The following NTNG1 variants were observed in gnomAD, a reference collection of about 807,000 sequenced individuals.
NTNG1 encodes netrin G1.
In NTNG1, 16 loss-of-function variants were observed where a neutral mutation model predicts 54.0. That is an observed-to-expected ratio of 0.30 (90% CI 0.20 to 0.45). The LOEUF is 0.45. NTNG1 is among the 20% of genes least tolerant of loss of function. The pLI, the probability that NTNG1 is intolerant of heterozygous loss-of-function variation, is 1.00. For synonymous variants in NTNG1, 255 were observed against 263.1 expected (o/e 0.97, Z 0.30); for missense variants, 530 against 678.7 (o/e 0.78, Z 2.43).
At chr1:107,193,735 G>A (rs534840016) in intron 2 of NTNG1, among the ~76,000 whole-genome samples, 2 of 151,920 alleles carry the variant, frequency 1.3e-5, no homozygotes, top group South Asian at 4.2e-4. Flanking sequence ...ATTTCACCTG[G>A]AATATCTATT....
Position 107,405,181 on chromosome 1 carries a change from G to A in NTNG1, c.1061-2501G>A, listed in dbSNP as rs894903. ...TTATCTGTGGAGAACCACAAACAAG[G>A]TATTTGGACATTAAAATAAGAAGCA... On this transcript the variant is annotated intron_variant, in intron 4 of 7. Coordinates refer to ENST00000370068, the MANE Select transcript of NTNG1 (RefSeq NM_001113226.3). Among the ~76,000 whole-genome samples the A allele has an allele frequency of 9.0e-3, 1,364 of 152,196 alleles. 17 individuals carry two copies. Among genetic ancestry groups the A allele is most frequent in the African/African-American group, 0.027 (1,106 of 41,548 alleles).
At chr1:107,338,282 G>A (rs143782149) in intron 3 of NTNG1, among the ~76,000 whole-genome samples, 8 of 152,018 alleles carry the variant, frequency 5.3e-5, no homozygotes, top group African/African-American at 1.7e-4. Flanking sequence ...CATTTGCAAG[G>A]TTGGGGAAAA....
intron 2 of NTNG1, among the ~76,000 whole-genome samples, chr1:107,208,586 G>A (rs375127634): frequency 1.6e-4 from 24 of 152,118 alleles, no homozygotes; most frequent in South Asian, 6.2e-4. Flanking sequence ...GAACTCTTTC[G>A]TTTTCCATCT....
intron 2 of NTNG1, among the ~76,000 whole-genome samples, chr1:107,233,235 G>A (rs2101540885): frequency 6.6e-6 from 1 of 152,312 alleles, no homozygotes; most frequent in Non-Finnish European, 1.5e-5. Context: ...TAAGCAGTCA[G>A]AGACTTGGTC....
intron 2 of NTNG1, among the ~76,000 whole-genome samples, chr1:107,299,593 C>T (rs764948992): frequency 1.3e-5 from 2 of 152,054 alleles, no homozygotes; most frequent in Non-Finnish European, 2.9e-5. Flanking sequence ...GATTGAAACA[C>T]GAGAAGCTTA....
intron 2 of NTNG1, among the ~76,000 whole-genome samples, chr1:107,263,454 T>C (rs1266729912): frequency 6.6e-6 from 1 of 152,174 alleles, no homozygotes; most frequent in African/African-American, 2.4e-5. Flanking sequence ...AATCAGGAAA[T>C]TGGTCTTTTC....
intron 2 of NTNG1, among the ~76,000 whole-genome samples, chr1:107,238,386 A>T (rs1271753434): frequency 1.3e-5 from 2 of 152,092 alleles, no homozygotes; most frequent in African/African-American, 4.8e-5. Context: ...CTTGGATGAG[A>T]CTTTGGACTG....
chr1:107,270,030 A>G lies in NTNG1; in HGVS notation c.247-54252A>G, dbSNP rs116193133. On this transcript the variant is annotated intron_variant, in intron 2 of 7. Coordinates refer to ENST00000370068, the MANE Select transcript of NTNG1 (RefSeq NM_001113226.3). ...TACTCAAAGTATGCCAATATGAAAA[A>G]TATCATCAACTGCCATTTTATTTCA... 8.5e-3 allele frequency among the ~76,000 whole-genome samples: 1,301 copies of G among 152,352 alleles called. 6 individuals carry two copies. Among genetic ancestry groups the G allele is most frequent in the Non-Finnish European group, 0.014 (964 of 68,030 alleles).
chr1:107,429,955 A>G (rs1675151930), intron 5 of NTNG1, among the ~76,000 whole-genome samples: 1 of 152,126 alleles, frequency 6.6e-6, no homozygotes, highest in Non-Finnish European at 1.5e-5. Context: ...AGCCTCAGAG[A>G]CACCTCTAAC....
chr1:107,239,592 A>G (rs1661678848), intron 2 of NTNG1, among the ~76,000 whole-genome samples: 2 of 152,224 alleles, frequency 1.3e-5, no homozygotes, highest in African/African-American at 2.4e-5. Context: ...AAATAATTCG[A>G]CCAAAATCCA....
chr1:107,350,380 A>T (rs1162227711), intron 3 of NTNG1, among the ~76,000 whole-genome samples: 2 of 152,170 alleles, frequency 1.3e-5, no homozygotes, highest in African/African-American at 4.8e-5. Context: ...ATAATTTGTA[A>T]TTAATCAAAT....
intron 2 of NTNG1, among the ~76,000 whole-genome samples, chr1:107,305,979 A>G (rs1666673290): frequency 6.6e-6 from 1 of 152,136 alleles, no homozygotes; most frequent in Admixed American, 6.5e-5. Flanking sequence ...CCTTTCCTGG[A>G]CTACTGCTGG....
intron 2 of NTNG1, among the ~76,000 whole-genome samples, chr1:107,233,344 T>C (rs1661191453): frequency 6.6e-6 from 1 of 152,224 alleles, no homozygotes; most frequent in Non-Finnish European, 1.5e-5. Context: ...GATTGTTGTT[T>C]ATATGAAGTC....
chr1:107,430,492 G>A (rs1557993581), intron 5 of NTNG1, among the ~76,000 whole-genome samples: 1 of 152,140 alleles, frequency 6.6e-6, no homozygotes, highest in Non-Finnish European at 1.5e-5. Context: ...ACCTGCAAAT[G>A]CTTCTGTTCA....
At chr1:107,340,536 G>A (rs1041696494) in intron 3 of NTNG1, among the ~76,000 whole-genome samples, 3 of 152,032 alleles carry the variant, frequency 2.0e-5, no homozygotes, top group African/African-American at 7.2e-5. Flanking sequence ...TTTGCAATTT[G>A]ATTATTTGCT....
At chr1:107,426,518 T>C (rs76835315) in intron 5 of NTNG1, among the ~76,000 whole-genome samples, 2 of 152,162 alleles carry the variant, frequency 1.3e-5, no homozygotes, top group African/African-American at 2.4e-5. Context: ...TTCTCTTCCA[T>C]TGATCTATGT....
chr1:107,273,453 A>T (rs2101698264), intron 2 of NTNG1, among the ~76,000 whole-genome samples: 1 of 152,312 alleles, frequency 6.6e-6, no homozygotes, highest in South Asian at 2.1e-4. Flanking sequence ...AAAGCAACAT[A>T]GTTATTGTTG....
At chr1:107,475,967 A>G (rs1452189821) in intron 7 of NTNG1, among the ~76,000 whole-genome samples, 4 of 152,230 alleles carry the variant, frequency 2.6e-5, no homozygotes, top group Non-Finnish European at 5.9e-5. Flanking sequence ...ATCCAAAGAC[A>G]TCCATTAAAT....
At chr1:107,181,276 A>G (rs192997473) in intron 2 of NTNG1, among the ~76,000 whole-genome samples, 3 of 152,346 alleles carry the variant, frequency 2.0e-5, no homozygotes, top group Admixed American at 2.0e-4. Flanking sequence ...CTAAATAAAA[A>G]ATACATTTCA....
Sources: allele counts gnomAD v4.1 joint callset (sites outside exome capture counted in the v4.1 genomes callset), GRCh38; gene constraint gnomAD v4.1.1; transcripts MANE v1.5; gene names NCBI Gene and HGNC (gene_info 2026-07-23, HGNC 2026-07-21).